The following ANKRD28 variants were observed in gnomAD, a reference collection of about 807,000 sequenced individuals.
ANKRD28 encodes the protein ankyrin repeat domain 28, also known as serine/threonine-protein phosphatase 6 regulatory ankyrin repeat subunit A.
Under a neutral mutation model 126.5 loss-of-function variants are expected in ANKRD28, and 44 were observed. That is an observed-to-expected ratio of 0.35 (90% confidence interval 0.27 to 0.45). The LOEUF (loss-of-function observed/expected upper bound fraction) is 0.45. ANKRD28 is among the 20% of genes least tolerant of loss of function. ANKRD28 has a pLI of 1.00. For synonymous variants in ANKRD28, 442 were observed against 468.5 expected (o/e 0.94, Z 0.73); for missense variants, 1,110 against 1,316.6 (o/e 0.84, Z 2.43).
intron 1 of ANKRD28, among the ~76,000 whole-genome samples, chr3:15,850,999 G>A (rs1411683753): frequency 6.6e-6 from 1 of 152,162 alleles, no homozygotes; most frequent in African/African-American, 2.4e-5. Flanking sequence ...ACATCTAGCT[G>A]GTGTACACTG....
At chr3:15,683,989 G>T (rs186980211) in intron 21 of ANKRD28, 11 of 152,242 alleles carry the variant, frequency 7.2e-5, no homozygotes, top group Admixed American at 7.2e-4. Flanking sequence ...GCATTTTGAG[G>T]GAAGGTTATT....
exon 1 of ANKRD28, chr3:15,859,441 T>A: frequency 6.9e-7 from 1 of 1,456,156 alleles, no homozygotes; most frequent in Admixed American, 2.1e-5. Context: ...CTCCTCCTCC[T>A]CCGCCGCTGC....
intron 25 of ANKRD28, 89 bp from the exon 26 acceptor site, chr3:15,677,145 T>C: frequency 9.6e-7 from 1 of 1,040,584 alleles, no homozygotes; most frequent in Admixed American, 1.8e-5. Context: ...AGTCCATATA[T>C]TATGTACAAC....
intron 6 of ANKRD28, 111 bp from the exon 7 acceptor site, chr3:15,724,635 A>G: frequency 2.1e-6 from 2 of 965,680 alleles, no homozygotes; most frequent in Non-Finnish European, 3.0e-6. Context: ...ATGATGCATG[A>G]CAAGTCATCA....
intron 2 of ANKRD28, among the ~76,000 whole-genome samples, chr3:15,767,741 A>G (rs1196650018): frequency 4.6e-4 from 48 of 104,840 alleles, no homozygotes; most frequent in African/African-American, 9.2e-4. Context: ...AAAAAAAAAA[A>G]GCCGCACGTG....
chr3:15,712,245 G>T (rs76592310), intron 10 of ANKRD28, 23 bp from the exon 11 acceptor site: 1 of 1,526,474 alleles, frequency 6.6e-7, no homozygotes, highest in Non-Finnish European at 8.9e-7. Flanking sequence ...GAACAGGACA[G>T]TATCTTCATT....
chr3:15,847,863 C>T (rs2061560513), intron 1 of ANKRD28, among the ~76,000 whole-genome samples: 1 of 152,206 alleles, frequency 6.6e-6, no homozygotes. Context: ...TGCACCGATT[C>T]CCTGCTTTGC....
At chr3:15,700,177 C>A (rs1322263502) in intron 14 of ANKRD28, among the ~76,000 whole-genome samples, 2 of 152,080 alleles carry the variant, frequency 1.3e-5, no homozygotes, top group Non-Finnish European at 2.9e-5. Flanking sequence ...TACGTGGGAG[C>A]TGAACAAGGA....
chr3:15,845,609 C>T lies in ANKRD28; in HGVS notation c.27+13768G>A, dbSNP rs1276067582. Among the ~76,000 whole-genome samples, 1 of 152,200 alleles carries T rather than the reference C, an allele frequency of 6.6e-6. No homozygotes were observed. The highest frequency in any genetic ancestry group is 2.4e-5 in the African/African-American group (1 of 41,446). On this transcript the variant is annotated intron_variant, in intron 1 of 27. Coordinates refer to the ANKRD28 transcript ENST00000399451. The surrounding 1 kb of genome is among the most constrained non-coding windows in gnomAD (Gnocchi z 4.9). ...TTCAACTCCACTGCTCACTCTGATG[C>T]TGAAGTCTGCTTATACATCCTTTAA...
In ANKRD28 at chr3:15,668,449, C is replaced by A. The variant is rs541694971; in HGVS notation, c.*1821G>T. ...CTACTACTAATAATTAGGAAGGGTT[C>A]ATTATGACTTCTTTATATTATAAAG... On this transcript the variant is annotated 3_prime_UTR_variant, in exon 28 of 28. Coordinates refer to ENST00000683139, the MANE Select transcript of ANKRD28 (RefSeq NM_001349278.2). The A allele has an allele frequency of 2.0e-5, 3 of 151,236 alleles. No individual in the cohort carries two copies. The East Asian group carries it at 5.8e-4, about 29-fold the overall frequency. The allele number at this position is 151,236 out of a possible 1,614,324, so 9.4% of individuals were successfully genotyped here.
At chr3:15,840,098 T>C (rs1217453863) in intron 1 of ANKRD28, among the ~76,000 whole-genome samples, 2 of 152,082 alleles carry the variant, frequency 1.3e-5, no homozygotes, top group Non-Finnish European at 2.9e-5. Context: ...GGAAAGGAAG[T>C]CCAATTATCC....
intron 2 of ANKRD28, among the ~76,000 whole-genome samples, chr3:15,789,506 T>C (rs1203388247): frequency 7.2e-5 from 11 of 151,974 alleles, no homozygotes; most frequent in Non-Finnish European, 1.6e-4. Context: ...TTTGGTTGTC[T>C]CCCATAAGTA....
At chr3:15,764,980 C>CTG (rs1233848073) in intron 3 of ANKRD28, among the ~76,000 whole-genome samples, 1 of 150,140 alleles carries the variant, frequency 6.7e-6, no homozygotes, top group African/African-American at 2.5e-5. Context: ...AACGGCAAAA[C>CTG]TCTGGGCTAT....
chr3:15,793,473 T>A (rs2125801543), intron 2 of ANKRD28, among the ~76,000 whole-genome samples: 1 of 151,820 alleles, frequency 6.6e-6, no homozygotes, highest in East Asian at 1.9e-4. Context: ...TGACTCTGAA[T>A]TTTTTTTTAA....
chr3:15,817,966 A>C lies in ANKRD28; in HGVS notation c.28-22660T>G, dbSNP rs1001332136. Among the ~76,000 whole-genome samples the C allele has an allele frequency of 3.9e-5, 6 of 152,214 alleles. No individual in the cohort carries two copies. Among genetic ancestry groups the C allele is most frequent in the Non-Finnish European group, 8.8e-5 (6 of 68,032 alleles). On this transcript the variant is annotated intron_variant, in intron 1 of 27. Transcript: ENST00000399451. The surrounding 1 kb of genome is among the most constrained non-coding windows in gnomAD (Gnocchi z 4.5). ...TGCTGTTTCTACATACTACCAATGA[A>C]CAACTGGAAATCAAAACAAAAAGCA...
chr3:15,829,650 A>G (rs1165173948), intron 1 of ANKRD28, among the ~76,000 whole-genome samples: 1 of 152,182 alleles, frequency 6.6e-6, no homozygotes, highest in Admixed American at 6.6e-5. Flanking sequence ...CATGATATAC[A>G]ATATCAAAAG....
chr3:15,682,476 G>A (rs1026886411), intron 21 of ANKRD28, among the ~76,000 whole-genome samples: 2 of 152,092 alleles, frequency 1.3e-5, no homozygotes, highest in South Asian at 4.1e-4. Flanking sequence ...ATGGTAAACT[G>A]GGTCCTCCTG....
chr3:15,750,527 T>C (rs1283180607), intron 4 of ANKRD28, among the ~76,000 whole-genome samples: 1 of 152,080 alleles, frequency 6.6e-6, no homozygotes, highest in African/African-American at 2.4e-5. Context: ...CAGTTCAGAG[T>C]TAGGTTGTGT....
chr3:15,700,192 A>C (rs1266664292), intron 14 of ANKRD28, among the ~76,000 whole-genome samples: 4 of 152,326 alleles, frequency 2.6e-5, no homozygotes, highest in East Asian at 3.9e-4. Flanking sequence ...CAAGGAGAAC[A>C]CATGGAGGGG....
Sources: gnomAD v4.1 joint callset for allele counts (sites outside exome capture counted in the v4.1 genomes callset) on GRCh38, gnomAD v4.1.1 for gene constraint, Gnocchi (gnomAD v3.1) non-coding constraint, MANE v1.5 for transcripts, NCBI Gene and HGNC (gene_info 2026-07-23, HGNC 2026-07-21) for gene names.